Variants in FAM83B observed in about 807,000 individuals in gnomAD.
FAM83B encodes protein FAM83B.
In FAM83B, 26 loss-of-function variants were observed where a neutral mutation model predicts 38.8. The observed-to-expected ratio is 0.67, with a 90% CI of 0.49 to 0.93. The LOEUF (loss-of-function observed/expected upper bound fraction) is 0.93, where lower values mean the gene tolerates loss of function less well. Ranked by LOEUF, FAM83B falls within the 40% of genes least tolerant of loss-of-function variation. The pLI, the probability that FAM83B is intolerant of heterozygous loss-of-function variation, is 0.00. For synonymous variants in FAM83B, 419 were observed against 423.1 expected, an observed-to-expected ratio of 0.99 and a Z score of 0.12; for missense variants, 1,237 against 1,197.3, an observed-to-expected ratio of 1.03 and a Z score of -0.49.
chr6:54,878,035 A>G (rs751921865), intron 2 of FAM83B, among the ~76,000 whole-genome samples: 2 of 152,230 alleles, frequency 1.3e-5, no homozygotes, highest in Non-Finnish European at 2.9e-5. Flanking sequence ...GCTAGTACCC[A>G]GAATGTAGAC....
At chr6:54,915,131 G>A (rs1773005158) in intron 2 of FAM83B, among the ~76,000 whole-genome samples, 1 of 151,224 alleles carries the variant, frequency 6.6e-6, no homozygotes, top group African/African-American at 2.4e-5. Flanking sequence ...AAAAAAAAAA[G>A]CATAGATAGT....
intron 4 of FAM83B, among the ~76,000 whole-genome samples, chr6:54,938,785 T>C (rs1352351127): frequency 6.6e-6 from 1 of 152,230 alleles, no homozygotes; most frequent in East Asian, 1.9e-4. Context: ...GATGCATAGT[T>C]TGCAAATAGT....
At chr6:54,846,445 C>T (rs918226414), upstream of FAM83B, among the ~76,000 whole-genome samples, 4 of 152,206 alleles carry the variant, frequency 2.6e-5, no homozygotes, top group African/African-American at 7.2e-5. Context: ...TCGCCCCAGA[C>T]CAGGAGCAGG....
intron 2 of FAM83B, among the ~76,000 whole-genome samples, chr6:54,895,830 T>C (rs1367920926): frequency 6.6e-6 from 1 of 152,098 alleles, no homozygotes; most frequent in Non-Finnish European, 1.5e-5. Context: ...AACCTCCGCC[T>C]CCCAGGTTCA....
chr6:54,849,462 G>A (rs1771213923), intron 1 of FAM83B, among the ~76,000 whole-genome samples: 1 of 151,514 alleles, frequency 6.6e-6, no homozygotes, highest in African/African-American at 2.4e-5. Flanking sequence ...TGGGCTGTAT[G>A]CTGGGGAGGA....
intron 2 of FAM83B, among the ~76,000 whole-genome samples, chr6:54,880,646 T>C (rs1262828073): frequency 1.3e-5 from 2 of 152,232 alleles, no homozygotes; most frequent in East Asian, 1.9e-4. Flanking sequence ...GGTTTCACCA[T>C]GTTGGTCAGG....
At chr6:54,894,595 G>C (rs557536383) in intron 2 of FAM83B, among the ~76,000 whole-genome samples, 3 of 151,520 alleles carry the variant, frequency 2.0e-5, no homozygotes, top group Admixed American at 6.5e-5. Context: ...GGGAACCTAA[G>C]AAGTAGAACT....
chr6:54,870,785 T>G, intron 2 of FAM83B, 95 bp downstream of exon 2: 2 of 1,203,670 alleles, frequency 1.7e-6, no homozygotes, highest in Non-Finnish European at 2.3e-6. Flanking sequence ...AAAGAATCTC[T>G]ATATGTATAG....
intron 1 of FAM83B, among the ~76,000 whole-genome samples, chr6:54,863,905 G>A (rs990393061): frequency 2.0e-5 from 3 of 152,216 alleles, no homozygotes; most frequent in East Asian, 1.9e-4. Flanking sequence ...ACAAGAATAC[G>A]TCACTTTGGT....
intron 4 of FAM83B, among the ~76,000 whole-genome samples, chr6:54,934,548 A>G (rs534544703): frequency 6.6e-6 from 1 of 152,282 alleles, no homozygotes; most frequent in African/African-American, 2.4e-5. Context: ...CAGTCAGAAT[A>G]TGATCCTAAC....
intron 4 of FAM83B, among the ~76,000 whole-genome samples, chr6:54,931,937 A>T (rs1773427752): frequency 7.4e-6 from 1 of 135,194 alleles, no homozygotes; most frequent in African/African-American, 2.8e-5. Flanking sequence ...TGCTTTGATT[A>T]TCATCTCATT....
intron 2 of FAM83B, among the ~76,000 whole-genome samples, chr6:54,882,566 C>T (rs765688490): frequency 7.2e-5 from 11 of 152,152 alleles, no homozygotes; most frequent in Non-Finnish European, 1.6e-4. Context: ...CAGGCAGGCT[C>T]CATGCAAACC....
chr6:54,857,049 A>G (rs754188161), intron 1 of FAM83B, among the ~76,000 whole-genome samples: 3 of 152,200 alleles, frequency 2.0e-5, no homozygotes, highest in Non-Finnish European at 4.4e-5. Flanking sequence ...CTGCCACTAA[A>G]TGTATGTAAC....
chr6:54,924,824 T>C (rs1249162336), intron 2 of FAM83B, among the ~76,000 whole-genome samples: 1 of 152,088 alleles, frequency 6.6e-6, no homozygotes, highest in East Asian at 1.9e-4. Context: ...CCGTCACCTC[T>C]CACTTCACTT....
At chr6:54,888,645 A>AT (rs1370049573) in intron 2 of FAM83B, among the ~76,000 whole-genome samples, 4 of 151,680 alleles carry the variant, frequency 2.6e-5, no homozygotes, top group African/African-American at 9.7e-5. Context: ...AAAGGTATAT[A>AT]TTTTTTCTCT....
At chr6:54,916,595 A>G (rs1425282567) in intron 2 of FAM83B, among the ~76,000 whole-genome samples, 1 of 152,176 alleles carries the variant, frequency 6.6e-6, no homozygotes, top group East Asian at 1.9e-4. Context: ...TACACACTAA[A>G]TCCCAATATA....
chr6:54,867,118 G>A (rs935325683), intron 1 of FAM83B, among the ~76,000 whole-genome samples: 3 of 150,702 alleles, frequency 2.0e-5, no homozygotes, highest in African/African-American at 7.3e-5. Flanking sequence ...ACTCTACTGT[G>A]TATGATAAAA....
rs1004288842 is a variant in FAM83B at position 54,866,935 on chromosome 6, T to A, written c.-60-3252T>A. ...ATAGAATTTCAGTGGAATTTCTACT[T>A]GATACAAATGACCCTAAAGCTCAAT... On this transcript the variant is annotated intron_variant, in intron 1 of 4. Transcript: ENST00000306858. Among the ~76,000 whole-genome samples, 24 of 152,054 alleles carry A rather than the reference T, an allele frequency of 1.6e-4. 1 individual carries two copies. The highest frequency in any genetic ancestry group is 5.1e-4 in the African/African-American group (21 of 41,442).
intron 1 of FAM83B, among the ~76,000 whole-genome samples, chr6:54,861,099 T>A (rs1771571755): frequency 6.6e-6 from 1 of 152,220 alleles, no homozygotes; most frequent in Non-Finnish European, 1.5e-5. Flanking sequence ...TAAAATTTAT[T>A]TTTTAGTAGT....
Sources: gnomAD v4.1 joint callset for allele counts (sites outside exome capture counted in the v4.1 genomes callset) on GRCh38, gnomAD v4.1.1 for gene constraint, MANE v1.5 for transcripts, NCBI Gene and HGNC (gene_info 2026-07-23, HGNC 2026-07-21) for gene names.